The following RUNX1 variants were observed in gnomAD, a reference collection of about 807,000 sequenced individuals.
The protein encoded by RUNX1 is runt-related transcription factor 1.
Under a neutral mutation model 42.8 loss-of-function variants are expected in RUNX1, and 19 were observed. The observed-to-expected ratio is 0.44, with a 90% CI of 0.31 to 0.65. The LOEUF (loss-of-function observed/expected upper bound fraction) is 0.65. Ranked by LOEUF, RUNX1 falls within the 30% of genes least tolerant of loss-of-function variation. RUNX1 has a pLI of 0.07. For synonymous variants in RUNX1, 271 were observed against 289.4 expected, an observed-to-expected ratio of 0.94 and a Z score of 0.64; for missense variants, 528 against 672.0, an observed-to-expected ratio of 0.79 and a Z score of 2.37.
intron 6 of RUNX1, among the ~76,000 whole-genome samples, chr21:34,852,743 T>C (rs759351936): frequency 6.6e-5 from 10 of 152,176 alleles, no homozygotes; most frequent in Non-Finnish European, 1.5e-4. Context: ...TACTTTCTAA[T>C]TCCTGTGTGG....
intron 2 of RUNX1, among the ~76,000 whole-genome samples, chr21:35,002,092 C>T (rs2146878906): frequency 6.6e-6 from 1 of 152,042 alleles, no homozygotes; most frequent in East Asian, 1.9e-4. Flanking sequence ...AGTGTAATCC[C>T]CCATCAAAAT....
intron 2 of RUNX1, among the ~76,000 whole-genome samples, chr21:34,986,123 C>T (rs1362472607): frequency 1.3e-5 from 2 of 152,024 alleles, no homozygotes; most frequent in African/African-American, 4.8e-5. Flanking sequence ...CCCGCCTCAG[C>T]CTCCCAAAAT....
chr21:34,967,319 C>CAAAAA lies in RUNX1; in HGVS notation c.59-74361_59-74357dup, dbSNP rs398036394. 8.4e-3 allele frequency among the ~76,000 whole-genome samples: 131 copies of CAAAAA among 15,652 alleles called. 14 individuals carry two copies. Among genetic ancestry groups the CAAAAA allele is most frequent in the Admixed American group, 0.013 (10 of 764 alleles). 10.3% of individuals were successfully genotyped at this position (15,652 alleles called of 152,430 possible). ...CAGGCGACAGTGTGAGACTCGGTCT[C>CAAAAA]AAAAAAAAAAAAAAAAAAAAAAAAA... On this transcript the variant is annotated intron_variant, in intron 2 of 8. Transcript: ENST00000675419.
chr21:34,846,192 G>C (rs1450417142), intron 6 of RUNX1, among the ~76,000 whole-genome samples: 1 of 105,758 alleles, frequency 9.5e-6, no homozygotes. Context: ...GTTTAAGGAT[G>C]TCTTTTTTTT....
chr21:34,911,455 G>C (rs1223713080), intron 2 of RUNX1, among the ~76,000 whole-genome samples: 1 of 152,198 alleles, frequency 6.6e-6, no homozygotes, highest in African/African-American at 2.4e-5. Flanking sequence ...CCCATACTCA[G>C]ATAGAGGAAC....
rs2056435308 is a variant in RUNX1 at position 34,791,580 on chromosome 21, G to A, written c.*555C>T. 1 of 227,934 alleles carries A rather than the reference G, an allele frequency of 4.4e-6. No homozygotes were observed. Among genetic ancestry groups the A allele is most frequent in the Admixed American group, 5.7e-5 (1 of 17,556 alleles). 14.1% of individuals were successfully genotyped at this position (227,934 alleles called of 1,614,324 possible). A position where few individuals can be genotyped will look rare whatever the true frequency, so the allele number is the denominator to read the frequency against. ...TCAATTTATATATATTTATATAAACGTATATAAAAATAAAAACCACCCAAA... is the reference window on the plus strand; with the variant it reads ...TCAATTTATATATATTTATATAAACATATATAAAAATAAAAACCACCCAAA... On this transcript the variant is annotated 3_prime_UTR_variant, in exon 9 of 9. Coordinates refer to ENST00000675419, the MANE Select transcript of RUNX1 (RefSeq NM_001754.5).
chr21:34,912,988 T>C (rs1316258646), intron 2 of RUNX1, among the ~76,000 whole-genome samples: 1 of 152,144 alleles, frequency 6.6e-6, no homozygotes, highest in African/African-American at 2.4e-5. Context: ...CCCAGCACTT[T>C]GGGAGGCTGA....
At chr21:34,859,348 CGGGG>C (rs1056576439) in intron 6 of RUNX1, 122 bp downstream of exon 6, 2 of 802,852 alleles carry the variant, frequency 2.5e-6, no homozygotes, top group Admixed American at 2.0e-5. Flanking sequence ...TTTGGCTTTA[CGGGG>C]GCCTGACATC....
intron 2 of RUNX1, among the ~76,000 whole-genome samples, chr21:34,902,830 T>C (rs1047038971): frequency 1.3e-5 from 2 of 152,178 alleles, no homozygotes; most frequent in African/African-American, 4.8e-5. Context: ...GGAACATTTA[T>C]GCAAATGCCA....
chr21:34,823,426 G>A (rs923710637), intron 7 of RUNX1, among the ~76,000 whole-genome samples: 5 of 111,298 alleles, frequency 4.5e-5, no homozygotes, highest in Non-Finnish European at 6.9e-5. Context: ...TCCATTCCTG[G>A]TGGGTTTTTT....
chr21:34,874,237 C>A lies in RUNX1; in HGVS notation c.508+6320G>T, dbSNP rs181168440. ...AAAGCATACACTCTCCCCATATTGA[C>A]AGTATATGATTATTCATAAACATCT... On this transcript the variant is annotated intron_variant, in intron 5 of 8. Transcript: ENST00000675419. 4.2e-3 allele frequency among the ~76,000 whole-genome samples: 645 copies of A among 151,992 alleles called. 6 individuals carry two copies. The highest frequency in any genetic ancestry group is 0.015 in the African/African-American group (613 of 41,432).
intron 6 of RUNX1, among the ~76,000 whole-genome samples, chr21:34,851,915 C>T (rs1483244216): frequency 6.6e-6 from 1 of 152,106 alleles, no homozygotes; most frequent in Admixed American, 6.6e-5. Flanking sequence ...GCCTTTAATC[C>T]CAGCACTTTG....
At chr21:34,996,516 G>C (rs2058997657) in intron 2 of RUNX1, among the ~76,000 whole-genome samples, 1 of 152,022 alleles carries the variant, frequency 6.6e-6, no homozygotes, top group South Asian at 2.1e-4. Flanking sequence ...CAGCCCACGA[G>C]ATGCTGGGGG....
At chr21:34,925,206 T>G (rs2058384131) in intron 2 of RUNX1, among the ~76,000 whole-genome samples, 1 of 152,234 alleles carries the variant, frequency 6.6e-6, no homozygotes, top group African/African-American at 2.4e-5. Flanking sequence ...TTGGGTTACG[T>G]ATCTGAAAAC....
At chr21:34,878,717 A>T (rs2057852702) in intron 5 of RUNX1, among the ~76,000 whole-genome samples, 1 of 152,160 alleles carries the variant, frequency 6.6e-6, no homozygotes, top group African/African-American at 2.4e-5. Flanking sequence ...AGCACCTATT[A>T]GTCACCCACT....
intron 2 of RUNX1, among the ~76,000 whole-genome samples, chr21:34,918,839 G>C (rs2058332199): frequency 6.6e-6 from 1 of 152,196 alleles, no homozygotes; most frequent in South Asian, 2.1e-4. Flanking sequence ...CCAGCAGATG[G>C]AGGTTGCAGT....
At chr21:35,027,878 C>G (rs938492160) in intron 2 of RUNX1, among the ~76,000 whole-genome samples, 1 of 152,170 alleles carries the variant, frequency 6.6e-6, no homozygotes, top group African/African-American at 2.4e-5. Flanking sequence ...TTTGAATATT[C>G]TAGATCCAAT....
At chr21:34,896,042 ATAGTAG>A (rs942415643) in intron 2 of RUNX1, among the ~76,000 whole-genome samples, 1 of 151,962 alleles carries the variant, frequency 6.6e-6, no homozygotes, top group African/African-American at 2.4e-5. Flanking sequence ...CTGTCCTTTA[ATAGTAG>A]TAGAGAAGAC....
intron 2 of RUNX1, among the ~76,000 whole-genome samples, chr21:34,965,570 T>TA (rs888455318): frequency 1.3e-5 from 2 of 151,882 alleles, no homozygotes; most frequent in Non-Finnish European, 2.9e-5. Context: ...GGCAAAAAAA[T>TA]AAAAAGGATG....
Sources: allele counts gnomAD v4.1 joint callset (sites outside exome capture counted in the v4.1 genomes callset), GRCh38; gene constraint gnomAD v4.1.1; transcripts MANE v1.5; gene names NCBI Gene and HGNC (gene_info 2026-07-23, HGNC 2026-07-21).